The following CDKAL1 variants were observed in gnomAD, a reference collection of about 807,000 sequenced individuals.
CDKAL1 encodes the protein threonylcarbamoyladenosine tRNA methylthiotransferase.
CDKAL1 carries 32 observed loss-of-function variants against 68.2 expected under a neutral mutation model. The observed-to-expected ratio is 0.47, with a 90% confidence interval of 0.35 to 0.63. CDKAL1 has a LOEUF of 0.63. Among genes scored for constraint, CDKAL1 ranks in the 30% least tolerant of loss-of-function variants. CDKAL1 has a pLI of 0.00. For synonymous variants in CDKAL1, 234 were observed against 244.3 expected (o/e 0.96, Z 0.39); for missense variants, 606 against 696.7 (o/e 0.87, Z 1.47).
chr6:21,151,328 G>A (rs925602193), intron 13 of CDKAL1, among the ~76,000 whole-genome samples: 2 of 152,212 alleles, frequency 1.3e-5, no homozygotes, highest in Non-Finnish European at 2.9e-5. Context: ...CAGCCTCAGC[G>A]TGGCTGGACA....
chr6:20,667,232 C>G lies in CDKAL1; in HGVS notation c.371+17855C>G, dbSNP rs1002720575. On this transcript the variant is annotated intron_variant, in intron 5 of 15. Transcript: ENST00000274695. ...GTGTTCATTAATTTGACAAATATTTCTTGAATGCCTACTATGTGTTACAGG... is the reference window on the plus strand; with the variant it reads ...GTGTTCATTAATTTGACAAATATTTGTTGAATGCCTACTATGTGTTACAGG... Among the ~76,000 whole-genome samples the G allele has an allele frequency of 2.2e-4, 33 of 152,178 alleles. 1 individual carries two copies. The highest frequency in any genetic ancestry group is 8.0e-4 in the African/African-American group (33 of 41,436).
intron 11 of CDKAL1, among the ~76,000 whole-genome samples, chr6:21,000,898 C>G (rs576857950): frequency 6.6e-6 from 1 of 152,310 alleles, no homozygotes; most frequent in South Asian, 2.1e-4. Flanking sequence ...TTTTAAAGTT[C>G]AAATTGCTAT....
At chr6:20,630,512 T>C (rs1006551871) in intron 4 of CDKAL1, among the ~76,000 whole-genome samples, 35 of 146,046 alleles carry the variant, frequency 2.4e-4, no homozygotes, top group Non-Finnish European at 3.8e-4. Context: ...TTTTTTTTTT[T>C]CTACCTTTTC....
chr6:20,626,935 G>C (rs1767458257), intron 4 of CDKAL1, among the ~76,000 whole-genome samples: 1 of 152,220 alleles, frequency 6.6e-6, no homozygotes, highest in African/African-American at 2.4e-5. Context: ...TGGAAGGAAG[G>C]CTGTGAAAGG....
At chr6:21,025,182 T>A (rs1768888854) in intron 11 of CDKAL1, among the ~76,000 whole-genome samples, 2 of 152,218 alleles carry the variant, frequency 1.3e-5, no homozygotes, top group Non-Finnish European at 2.9e-5. Context: ...TAAGTGCAGA[T>A]TGTACAATCA....
At chr6:20,754,533 A>G (rs538806220) in intron 6 of CDKAL1, among the ~76,000 whole-genome samples, 36 of 152,230 alleles carry the variant, frequency 2.4e-4, no homozygotes, top group African/African-American at 8.2e-4. Context: ...TCTGATTTGC[A>G]TTTCCTGGTT....
At chr6:20,607,317 G>GT (rs1766375538) in intron 4 of CDKAL1, among the ~76,000 whole-genome samples, 1 of 152,046 alleles carries the variant, frequency 6.6e-6, no homozygotes, top group African/African-American at 2.4e-5. Context: ...AGCCATACGT[G>GT]TTTCTAAATA....
chr6:20,591,344 G>A (rs1314128856), intron 4 of CDKAL1, among the ~76,000 whole-genome samples: 5 of 152,112 alleles, frequency 3.3e-5, no homozygotes, highest in Non-Finnish European at 1.5e-5. Context: ...CTGTGCAGAA[G>A]CTCTTTAGTT....
intron 5 of CDKAL1, among the ~76,000 whole-genome samples, chr6:20,663,279 A>G (rs1045374815): frequency 1.3e-5 from 2 of 152,042 alleles, no homozygotes; most frequent in Non-Finnish European, 2.9e-5. Context: ...TGCTCCCAAC[A>G]GAATTGGGAT....
intron 4 of CDKAL1, among the ~76,000 whole-genome samples, chr6:20,624,346 A>C (rs1581844356): frequency 6.7e-6 from 1 of 150,146 alleles, no homozygotes; most frequent in Non-Finnish European, 1.5e-5. Context: ...CCCCATCATT[A>C]GTTAAGGAAA....
chr6:21,152,506 C>G (rs1776459543), intron 13 of CDKAL1, among the ~76,000 whole-genome samples: 1 of 152,208 alleles, frequency 6.6e-6, no homozygotes. Context: ...CATATGACCC[C>G]CACAAACATT....
intron 9 of CDKAL1, among the ~76,000 whole-genome samples, chr6:20,888,979 T>C (rs978949637): frequency 1.3e-5 from 2 of 152,196 alleles, no homozygotes; most frequent in Non-Finnish European, 2.9e-5. Context: ...TAGTTTACAG[T>C]CCCACCAACA....
At chr6:20,907,501 A>C (rs1762284357) in intron 9 of CDKAL1, among the ~76,000 whole-genome samples, 1 of 152,244 alleles carries the variant, frequency 6.6e-6, no homozygotes, top group African/African-American at 2.4e-5. Context: ...ATGACTATGA[A>C]GAAAAAAATA....
At chr6:20,819,947 T>C (rs76827410) in intron 8 of CDKAL1, among the ~76,000 whole-genome samples, 3,922 of 152,242 alleles carry the variant, frequency 0.026, 137 homozygotes, top group African/African-American at 0.086. Context: ...CGCACAGATA[T>C]GGAGGCTGCG....
intron 11 of CDKAL1, among the ~76,000 whole-genome samples, chr6:21,006,969 C>T (rs1362753618): frequency 2.0e-5 from 3 of 152,178 alleles, no homozygotes; most frequent in Non-Finnish European, 2.9e-5. Flanking sequence ...AAGGTCCAAT[C>T]ACATATACAT....
chr6:21,044,444 C>T (rs1481002765), intron 11 of CDKAL1, among the ~76,000 whole-genome samples: 1 of 152,194 alleles, frequency 6.6e-6, no homozygotes, highest in African/African-American at 2.4e-5. Flanking sequence ...CTGATAGCAT[C>T]ACACACATTT....
rs114613436 is a variant in CDKAL1, at chr6:20,563,882, C to T, written c.286+15177C>T. Among the ~76,000 whole-genome samples the T allele has an allele frequency of 6.6e-3, 1,009 of 152,166 alleles. 9 individuals are homozygous for T. Among genetic ancestry groups the T allele is most frequent in the African/African-American group, 0.023 (938 of 41,512 alleles). ...AAAAATTTGTTCATTGCTTATAATA[C>T]AGAATAATTATATAACTTGGCTCAT... is the stretch of plus-strand genomic sequence containing the variant. On this transcript the variant is annotated intron_variant, in intron 4 of 15. Coordinates refer to ENST00000274695, the MANE Select transcript of CDKAL1 (RefSeq NM_017774.3).
At chr6:20,603,413 ATAAG>A (rs1766190794) in intron 4 of CDKAL1, among the ~76,000 whole-genome samples, 1 of 152,224 alleles carries the variant, frequency 6.6e-6, no homozygotes, top group Admixed American at 6.5e-5. Flanking sequence ...TCCAGATAAT[ATAAG>A]TAAGTTAAAC....
chr6:21,199,014 C>T (rs960056643), intron 14 of CDKAL1, among the ~76,000 whole-genome samples: 3 of 152,182 alleles, frequency 2.0e-5, no homozygotes, highest in African/African-American at 4.8e-5. Context: ...CATGGGCGTA[C>T]GGAGATTTTC....
Sources: gnomAD v4.1 joint callset for allele counts (sites outside exome capture counted in the v4.1 genomes callset) on GRCh38, gnomAD v4.1.1 for gene constraint, MANE v1.5 for transcripts, NCBI Gene and HGNC (gene_info 2026-07-23, HGNC 2026-07-21) for gene names.